MRAP2: variants seen among roughly 807,000 people sequenced by gnomAD.
MRAP2 encodes melanocortin-2 receptor accessory protein 2.
Under a neutral mutation model 17.4 loss-of-function variants are expected in MRAP2, and 20 were observed. The observed-to-expected ratio is 1.15, with a 90% confidence interval of 0.81 to 1.67. The LOEUF is 1.67. MRAP2 is among the 40% of genes most tolerant of loss of function. The probability of loss-of-function intolerance (pLI) is 0.00; values close to 1 mark genes in which losing one functional copy is unlikely to be tolerated. For synonymous variants in MRAP2, 96 were observed against 88.4 expected (o/e 1.09, Z -0.48); for missense variants, 238 against 240.0 (o/e 0.99, Z 0.05).
the MRAP2 span, among the ~76,000 whole-genome samples, chr6:84,122,139 C>G: frequency 3.3e-5 from 5 of 151,864 alleles, no homozygotes; most frequent in Non-Finnish European, 7.4e-5. Context: ...ACCAGACATA[C>G]AAAGAGCTAG....
At chr6:84,058,599 A>G (rs2099492284) in intron 2 of MRAP2, among the ~76,000 whole-genome samples, 1 of 152,138 alleles carries the variant, frequency 6.6e-6, no homozygotes, top group Non-Finnish European at 1.5e-5. Flanking sequence ...TCAGCATGTA[A>G]ACGGTATGCG....
chr6:84,133,300 CAA>C, the MRAP2 span, among the ~76,000 whole-genome samples: 1 of 152,208 alleles, frequency 6.6e-6, no homozygotes, highest in East Asian at 1.9e-4. Context: ...TTAGGCTACT[CAA>C]GTGTCAGGGA....
chr6:84,126,829 T>G, the MRAP2 span, among the ~76,000 whole-genome samples: 1 of 152,276 alleles, frequency 6.6e-6, no homozygotes, highest in South Asian at 2.1e-4. Flanking sequence ...GTATTGTTAG[T>G]AAGATGGTTA....
chr6:84,142,395 C>A, the MRAP2 span, among the ~76,000 whole-genome samples: 2 of 152,128 alleles, frequency 1.3e-5, no homozygotes, highest in Non-Finnish European at 2.9e-5. Context: ...TGTTTATGTA[C>A]ATCTATGTGT....
rs1554432621 is a variant in MRAP2 at position 84,045,469 on chromosome 6, A to AAT, written c.-7-9839_-7-9838dup. 6.1e-3 allele frequency among the ~76,000 whole-genome samples: 932 copies of AAT among 152,164 alleles called. 16 individuals are homozygous for AAT. The highest frequency in any genetic ancestry group is 0.021 in the African/African-American group (875 of 41,526). Reference sequence around the variant, plus strand: ...AAAATGAAGAAGCCTGAAAAAAAAAAATATACACACAGGCTGGGCACAGTG... The same window carrying AAT: ...AAAATGAAGAAGCCTGAAAAAAAAAAATATATACACACAGGCTGGGCACAGTG... On this transcript the variant is annotated intron_variant, in intron 1 of 3. Coordinates refer to ENST00000257776, the MANE Select transcript of MRAP2 (RefSeq NM_138409.4).
At chr6:84,062,110 T>C (rs1048129184) in intron 2 of MRAP2, 3 of 985,338 alleles carry the variant, frequency 3.0e-6, no homozygotes, top group South Asian at 4.7e-5. Context: ...TGCTAACCAA[T>C]TGAGTTGTTA....
chr6:84,066,180 A>G (rs1157318290), intron 3 of MRAP2, among the ~76,000 whole-genome samples: 1 of 152,164 alleles, frequency 6.6e-6, no homozygotes, highest in East Asian at 1.9e-4. Flanking sequence ...TCTGTCTTTG[A>G]TGATTATTCT....
At chr6:84,042,649 C>A (rs1287067124) in intron 1 of MRAP2, among the ~76,000 whole-genome samples, 2 of 152,174 alleles carry the variant, frequency 1.3e-5, no homozygotes, top group African/African-American at 4.8e-5. Context: ...TGGCCAGGCC[C>A]CTCCCTGAAA....
chr6:84,082,215 G>A (rs1321798071), intron 3 of MRAP2, among the ~76,000 whole-genome samples: 1 of 152,222 alleles, frequency 6.6e-6, no homozygotes, highest in African/African-American at 2.4e-5. Context: ...TCAGGATCCA[G>A]TCTATTCTAT....
intron 2 of MRAP2, 93 bp from the exon 3 acceptor site, chr6:84,062,800 A>G (rs913753874): frequency 7.6e-6 from 12 of 1,571,272 alleles, no homozygotes; most frequent in Admixed American, 5.4e-5. Flanking sequence ...TTCATGTTTC[A>G]TGTACCAAAG....
intron 3 of MRAP2, among the ~76,000 whole-genome samples, chr6:84,064,510 C>T (rs933034643): frequency 6.6e-5 from 10 of 151,868 alleles, no homozygotes; most frequent in Admixed American, 2.0e-4. Flanking sequence ...TTTTTTGAGA[C>T]GGAGTCTTGC....
chr6:84,121,387 T>G, the MRAP2 span, among the ~76,000 whole-genome samples: 1 of 152,174 alleles, frequency 6.6e-6, no homozygotes, highest in Non-Finnish European at 1.5e-5. Flanking sequence ...CTCACACCTG[T>G]AATCCAAGCA....
intron 3 of MRAP2, among the ~76,000 whole-genome samples, chr6:84,065,183 G>A (rs1588642554): frequency 6.6e-6 from 1 of 152,022 alleles, no homozygotes; most frequent in Non-Finnish European, 1.5e-5. Flanking sequence ...TACTCAGGAG[G>A]CTAAGGTGGG....
At chr6:84,140,369 T>C in the MRAP2 span, among the ~76,000 whole-genome samples, 1 of 152,030 alleles carries the variant, frequency 6.6e-6, no homozygotes, top group Non-Finnish European at 1.5e-5. Context: ...TGAAACACCA[T>C]TTTCACACAA....
At chr6:84,078,051 A>C (rs368950943) in intron 3 of MRAP2, among the ~76,000 whole-genome samples, 2 of 152,242 alleles carry the variant, frequency 1.3e-5, no homozygotes, top group African/African-American at 2.4e-5. Flanking sequence ...GTTAGAAGAA[A>C]GCATAGGAGA....
At chr6:84,139,007 A>C in the MRAP2 span, among the ~76,000 whole-genome samples, 1 of 152,218 alleles carries the variant, frequency 6.6e-6, no homozygotes. Flanking sequence ...TGTGAGACTT[A>C]AATCCTTCAA....
At chr6:84,063,566 G>A (rs941527575) in intron 3 of MRAP2, among the ~76,000 whole-genome samples, 3 of 152,130 alleles carry the variant, frequency 2.0e-5, no homozygotes, top group Non-Finnish European at 4.4e-5. Flanking sequence ...TTGGATTGAT[G>A]GAGGAAAGTA....
At chr6:84,053,074 A>G in intron 1 of MRAP2, among the ~76,000 whole-genome samples, 1 of 152,102 alleles carries the variant, frequency 6.6e-6, no homozygotes, top group East Asian at 1.9e-4. Context: ...GTCTTGTGGA[A>G]CCTGGTAGCC....
chr6:84,097,296 G>A, the MRAP2 span, among the ~76,000 whole-genome samples: 1 of 152,126 alleles, frequency 6.6e-6, no homozygotes, highest in Non-Finnish European at 1.5e-5. Flanking sequence ...GAATAGATAC[G>A]AGCCCACTCT....
Sources: allele counts gnomAD v4.1 joint callset (sites outside exome capture counted in the v4.1 genomes callset), GRCh38; gene constraint gnomAD v4.1.1; transcripts MANE v1.5; gene names NCBI Gene and HGNC (gene_info 2026-07-23, HGNC 2026-07-21).